The following NTF4 variants were observed in gnomAD, a reference collection of about 807,000 sequenced individuals.
NTF4 encodes neurotrophin 4.
In NTF4, 2 loss-of-function variants were observed where a neutral mutation model predicts 4.4. The ratio of observed to expected loss-of-function variants is 0.46; its 90% CI spans 0.19 to 1.44. The LOEUF (loss-of-function observed/expected upper bound fraction) is 1.44. Among genes scored for constraint, NTF4 ranks in the 40% most tolerant of loss-of-function variants. The pLI, the probability that NTF4 is intolerant of heterozygous loss-of-function variation, is 0.26. For synonymous variants in NTF4, 127 were observed against 122.0 expected, an observed-to-expected ratio of 1.04 and a Z score of -0.27; for missense variants, 260 against 293.0, an observed-to-expected ratio of 0.89 and a Z score of 0.82.
chr19:49,062,509 G>A (rs772583578), upstream of NTF4, among the ~76,000 whole-genome samples: 12 of 151,958 alleles, frequency 7.9e-5, no homozygotes, highest in Non-Finnish European at 1.6e-4. Flanking sequence ...ATAAGGCCAG[G>A]CATGGTGGCT....
upstream of NTF4, among the ~76,000 whole-genome samples, chr19:49,063,508 A>G (rs1280953501): frequency 6.6e-6 from 1 of 152,110 alleles, no homozygotes; most frequent in East Asian, 1.9e-4. Context: ...GAGAAAGGTC[A>G]CAACCTGGAA....
At chr19:49,064,738 G>T, upstream of NTF4, 1 of 153,080 alleles carries the variant, frequency 6.5e-6, no homozygotes, top group South Asian at 1.9e-4. Context: ...AAGAAATGCA[G>T]ACTCCGGGTT....
chr19:49,058,352 G>A, downstream of NTF4: 1 of 1,399,256 alleles, frequency 7.1e-7, no homozygotes, highest in Non-Finnish European at 9.4e-7. Context: ...GTGGACTGGA[G>A]AGAAGGCGCC....
chr19:49,059,720 G>A (rs528600151), downstream of NTF4, among the ~76,000 whole-genome samples: 1 of 152,078 alleles, frequency 6.6e-6, no homozygotes, highest in Non-Finnish European at 1.5e-5. Context: ...CCTGTGGTCT[G>A]TCCCTGGCTT....
chr19:49,060,170 C>T (rs2040116052), downstream of NTF4, among the ~76,000 whole-genome samples: 1 of 151,352 alleles, frequency 6.6e-6, no homozygotes, highest in African/African-American at 2.4e-5. Flanking sequence ...CAGCCATGCC[C>T]AGGATCCCAC....
downstream of NTF4, among the ~76,000 whole-genome samples, chr19:49,059,728 C>T (rs1372745027): frequency 6.6e-6 from 1 of 152,090 alleles, no homozygotes; most frequent in Non-Finnish European, 1.5e-5. Context: ...CTGTCCCTGG[C>T]TTCCCTTGTC....
downstream of NTF4, among the ~76,000 whole-genome samples, chr19:49,060,462 GC>G (rs1305048961): frequency 6.6e-6 from 1 of 152,096 alleles, no homozygotes; most frequent in Non-Finnish European, 1.5e-5. Flanking sequence ...CTTCAGAGTA[GC>G]TTGGATTACA....
At chr19:49,058,643 G>A (rs547127004), downstream of NTF4, 30 of 358,612 alleles carry the variant, frequency 8.4e-5, no homozygotes, top group African/African-American at 6.1e-4. Flanking sequence ...GGGTACGGGT[G>A]GGATAATGCC....
chr19:49,060,064 A>AAAAAAAAAG, downstream of NTF4, among the ~76,000 whole-genome samples: 1 of 147,336 alleles, frequency 6.8e-6, no homozygotes, highest in African/African-American at 2.5e-5. Context: ...AAAAAAAAAA[A>AAAAAAAAAG]AAAAAGCTTT....
chr19:49,061,892 C>T lies in NTF4; in HGVS notation c.106G>A (p.Ala36Thr). 3 of 1,534,014 alleles carry T rather than the reference C, an allele frequency of 2.0e-6. No individual in the cohort carries two copies. Among genetic ancestry groups the T allele is most frequent in the Non-Finnish European group, 2.6e-6 (3 of 1,133,562 alleles). The stretch of plus-strand genomic sequence containing the variant: ...GGGGAGAGAAGGTCCCACTCAGGGG[C>T]CAGAAAAGGGGGCAATGTTGAGGGT... Residue 36 changes from alanine to threonine, a missense_variant, in exon 1 of 1, where the codon GCC (alanine) becomes ACC (threonine). Transcript: ENST00000593537. This position sits in a 1 kb window ranked among gnomAD's most constrained non-coding sequence, Gnocchi z 4.9.
rs1232261770 is a variant in NTF4, at chr19:49,061,147, A to G, written c.*218T>C. 38 of 727,008 alleles carry G rather than the reference A, an allele frequency of 5.2e-5. No individual in the cohort carries two copies. Among genetic ancestry groups the G allele is most frequent in the Non-Finnish European group, 7.9e-5 (36 of 452,942 alleles). The allele number at this position is 727,008 out of a possible 1,614,324, so 45.0% of individuals were successfully genotyped here. ...AGTAAATAGTGGCTATTATTATTATATCATCATCATTATTACCCTCAAGTT... is the reference window on the plus strand; with the variant it reads ...AGTAAATAGTGGCTATTATTATTATGTCATCATCATTATTACCCTCAAGTT... On this transcript the variant is annotated 3_prime_UTR_variant, in exon 1 of 1. Transcript: ENST00000593537. The surrounding 1 kb of genome is among the most constrained non-coding windows in gnomAD (Gnocchi z 4.9).
chr19:49,063,893 G>A (rs531235522), upstream of NTF4: 1 of 152,358 alleles, frequency 6.6e-6, no homozygotes, highest in South Asian at 2.1e-4. Flanking sequence ...ACAGGTTATA[G>A]AGGCAGGTGG....
At chr19:49,058,599 A>G, downstream of NTF4, 1 of 465,558 alleles carries the variant, frequency 2.1e-6, no homozygotes, top group East Asian at 3.5e-5. Flanking sequence ...GCTTCAGCCT[A>G]GGGTCTGCCC....
rs763358860 is a variant in NTF4 at position 49,061,493 on chromosome 19, C to CAGAT, written c.501_504dup (p.Glu169IlefsTer2). On this transcript the variant is annotated frameshift_variant, in exon 1 of 1. Coordinates refer to ENST00000593537, the Ensembl canonical transcript of NTF4. LOFTEE classifies it high-confidence loss of function. The surrounding 1 kb of genome is among the most constrained non-coding windows in gnomAD (Gnocchi z 4.9). ...ACATAGGACTGCTTGGCCTTGCACT[C>CAGAT]AGATACCCAGTGCCTCCTGTCCACT... 6.2e-7 allele frequency: 1 copy of CAGAT among 1,614,110 alleles called. No individual in the cohort carries two copies. Among genetic ancestry groups the CAGAT allele is most frequent in the East Asian group, 2.2e-5 (1 of 44,890 alleles).
chr19:49,063,690 G>A (rs1336036489), upstream of NTF4: 1 of 152,246 alleles, frequency 6.6e-6, no homozygotes, highest in East Asian at 1.9e-4. Context: ...TGTGGTTCTG[G>A]GAAAGGGTGG....
At chr19:49,063,317 T>A (rs535325896), upstream of NTF4, among the ~76,000 whole-genome samples, 438 of 126,028 alleles carry the variant, frequency 3.5e-3, 2 homozygotes, top group African/African-American at 0.012. Flanking sequence ...CCAAACAAAA[T>A]TTTTTTTTTT....
upstream of NTF4, among the ~76,000 whole-genome samples, chr19:49,063,316 A>T (rs886087287): frequency 1.7e-4 from 22 of 132,854 alleles, no homozygotes; most frequent in African/African-American, 1.1e-4. Context: ...CCCAAACAAA[A>T]TTTTTTTTTT....
upstream of NTF4, among the ~76,000 whole-genome samples, chr19:49,062,851 A>T (rs931999540): frequency 6.6e-6 from 1 of 152,200 alleles, no homozygotes; most frequent in Non-Finnish European, 1.5e-5. Context: ...ACAGTAACAG[A>T]TGTTGAAATA....
chr19:49,063,316 A>AT (rs1205338872), upstream of NTF4, among the ~76,000 whole-genome samples: 1,981 of 132,880 alleles, frequency 0.015, 22 homozygotes, highest in Non-Finnish European at 0.018. Context: ...CCCAAACAAA[A>AT]TTTTTTTTTT....
Sources: gnomAD v4.1 joint callset for allele counts (sites outside exome capture counted in the v4.1 genomes callset) on GRCh38, gnomAD v4.1.1 for gene constraint, Gnocchi (gnomAD v3.1) non-coding constraint, MANE v1.5 for transcripts, NCBI Gene and HGNC (gene_info 2026-07-23, HGNC 2026-07-21) for gene names.